PIEZO1: variants seen among roughly 807,000 people sequenced by gnomAD.
PIEZO1 encodes piezo-type mechanosensitive ion channel component 1.
In PIEZO1, 296 loss-of-function variants were observed where a neutral mutation model predicts 297.2. The ratio of observed to expected loss-of-function variants is 1.00; its 90% CI spans 0.91 to 1.10. PIEZO1 has a LOEUF of 1.10. Among genes scored for constraint, PIEZO1 ranks in the 50% least tolerant of loss-of-function variants. The probability of loss-of-function intolerance (pLI) is 0.00; values close to 1 mark genes in which losing one functional copy is unlikely to be tolerated. For synonymous variants in PIEZO1, 2,427 were observed against 1,507.5 expected (o/e 1.61, Z -14.13); for missense variants, 5,018 against 3,455.5 (o/e 1.45, Z -11.34).
intron 27 of PIEZO1, 81 bp from the exon 28 acceptor site, chr16:88,725,765 C>CG (rs1904380290): frequency 1.3e-6 from 1 of 762,072 alleles, no homozygotes; most frequent in Non-Finnish European, 2.3e-6. Context: ...CCGCTCAGCC[C>CG]GGGACAGCTC....
chr16:88,761,479 C>T (rs1360602023), intron 1 of PIEZO1, among the ~76,000 whole-genome samples: 2 of 152,200 alleles, frequency 1.3e-5, no homozygotes, highest in Non-Finnish European at 1.5e-5. Flanking sequence ...GCAGTCTGGT[C>T]CCAAAGCCGC....
In PIEZO1 at chr16:88,775,919, G is replaced by C. The variant is rs1907640925; in HGVS notation, c.64+8982C>G. Among the ~76,000 whole-genome samples the C allele has an allele frequency of 2.0e-5, 3 of 152,096 alleles. No homozygotes were observed. The South Asian group carries it at 6.2e-4, about 31-fold the overall frequency. On this transcript the variant is annotated intron_variant, in intron 1 of 50. Coordinates refer to ENST00000301015, the MANE Select transcript of PIEZO1 (RefSeq NM_001142864.4). ...AGAAGAAGGCAGTGCACACGCAGAGGCAAAGGCCCTCGTTAAGCACCCAGG... is the reference window on the plus strand; with the variant it reads ...AGAAGAAGGCAGTGCACACGCAGAGCCAAAGGCCCTCGTTAAGCACCCAGG...
At chr16:88,719,451 C>G (rs1467160151) in intron 44 of PIEZO1, 123 bp downstream of exon 44, 1 of 902,310 alleles carries the variant, frequency 1.1e-6, no homozygotes, top group Non-Finnish European at 1.7e-6. Flanking sequence ...CCTCATGTCC[C>G]CATGGGCTCC....
chr16:88,766,020 A>G (rs1345441561), intron 1 of PIEZO1, among the ~76,000 whole-genome samples: 1 of 152,176 alleles, frequency 6.6e-6, no homozygotes, highest in Admixed American at 6.5e-5. Context: ...AGGTGCGACC[A>G]GAGACATCAC....
chr16:88,768,597 G>A (rs527698449), intron 1 of PIEZO1, among the ~76,000 whole-genome samples: 4 of 152,356 alleles, frequency 2.6e-5, no homozygotes, highest in East Asian at 3.9e-4. Context: ...GGTTGTGGGC[G>A]GGGGCTCCCT....
chr16:88,771,329 A>G (rs1907415908), intron 1 of PIEZO1, among the ~76,000 whole-genome samples: 1 of 152,196 alleles, frequency 6.6e-6, no homozygotes, highest in Non-Finnish European at 1.5e-5. Flanking sequence ...AATGGTGCTC[A>G]GCAGCAGAGC....
intron 1 of PIEZO1, among the ~76,000 whole-genome samples, chr16:88,775,169 C>A (rs151089868): frequency 6.6e-6 from 1 of 152,214 alleles, no homozygotes; most frequent in African/African-American, 2.4e-5. Context: ...CCTGACAGGA[C>A]GCAGGCCCTG....
chr16:88,736,608 G>A lies in PIEZO1; in HGVS notation c.1296+31C>T, dbSNP rs1022937001. ...GCCCCACACCTGCGCGGCAGAGGGG[G>A]CCGCCCACCCCAACCCCCACAGCCG... On this transcript the variant is annotated intron_variant, in intron 11 of 50. Transcript: ENST00000301015. 4.0e-6 allele frequency: 6 copies of A among 1,510,906 alleles called. No individual in the cohort carries two copies. In the Admixed American group the frequency reaches 6.2e-5, roughly 16 times the overall value. The allele number at this position is 1,510,906 out of a possible 1,614,324, so 93.6% of individuals were successfully genotyped here.
chr16:88,783,875 C>T (rs1908047179), intron 1 of PIEZO1, among the ~76,000 whole-genome samples: 1 of 152,248 alleles, frequency 6.6e-6, no homozygotes, highest in South Asian at 2.1e-4. Context: ...GGGCGAGCTC[C>T]CACCTGGAGC....
chr16:88,724,970 G>A (rs780098361), intron 30 of PIEZO1, 39 bp downstream of exon 30: 5 of 1,300,214 alleles, frequency 3.8e-6, no homozygotes, highest in Middle Eastern at 4.9e-4. Flanking sequence ...GGCACAGAGG[G>A]CCTGAGAGGG....
chr16:88,782,541 G>A (rs1907982471), intron 1 of PIEZO1, among the ~76,000 whole-genome samples: 1 of 152,174 alleles, frequency 6.6e-6, no homozygotes, highest in Non-Finnish European at 1.5e-5. Context: ...TTTGGGTAAT[G>A]ATCCTGCACT....
Position 88,716,398 on chromosome 16 carries a change from G to T in PIEZO1, c.7012C>A (p.Leu2338Met). 6.5e-7 allele frequency: 1 copy of T among 1,548,460 alleles called. No homozygotes were observed. The highest frequency in any genetic ancestry group is 1.4e-5 in the African/African-American group (1 of 73,146). The change falls in exon 48 of 51, where the codon CTG becomes ATG. Residue 2338 changes from leucine (L) to methionine (M), a missense_variant. Transcript: ENST00000301015. ...LAPNSTARRQ[L>M]ASLLEGTSDQ... ...GAGGTGCCCTCGAGCAGGCTGGCCA[G>T]CTGCCGCCGTGCAGTGCTGTTGGGG...
chr16:88,742,149 G>C, intron 3 of PIEZO1, 54 bp from the exon 4 acceptor site: 1 of 1,530,386 alleles, frequency 6.5e-7, no homozygotes, highest in Non-Finnish European at 8.8e-7. Flanking sequence ...CAGCACCGTG[G>C]CCTGGTCATC....
rs560731397 is a variant in PIEZO1, at chr16:88,717,173, G to C, written c.6510C>G (p.Ile2170Met). The change falls in exon 45 of 51, where the codon ATC becomes ATG. Residue 2170 changes from isoleucine to methionine, a missense_variant. Physicochemically the swap from Ile to Met is conservative, Grantham distance 10 (BLOSUM62 1). Coordinates refer to ENST00000301015, the MANE Select transcript of PIEZO1 (RefSeq NM_001142864.4). The part of the protein sequence containing the change: ...PQPKGQKKKK[I>M]VKYGMGGLII... ...TGAGGCCACCCATGCCGTACTTGAC[G>C]ATCTTCTTCTTCTTCTGCCCTTTGG... is the stretch of plus-strand genomic sequence containing the variant. 4 of 1,550,622 alleles carry C rather than the reference G, an allele frequency of 2.6e-6. No individual in the cohort carries two copies. Among genetic ancestry groups the C allele is most frequent in the Non-Finnish European group, 3.5e-6 (4 of 1,147,066 alleles).
In PIEZO1 at chr16:88,716,744, G is replaced by T; in HGVS notation, c.6754-13C>A. The T allele has an allele frequency of 6.5e-7, 1 of 1,548,304 alleles. No homozygotes were observed. The highest frequency in any genetic ancestry group is 8.7e-7 in the Non-Finnish European group (1 of 1,146,838). ...ACTGCATGGCCAGCTGGGTACAAGT[G>T]ACACCCTCAGTGACTGCAGCCGCCT... On this transcript the variant is annotated splice_polypyrimidine_tract_variant and intron_variant, in intron 46 of 50. Transcript: ENST00000301015.
At position 88,719,526 on chromosome 16, in the gene PIEZO1, G is replaced by A. The variant is rs958122205; in HGVS notation, c.6471+48C>T. ...CAGCAGTGCCTCTGTCTTAGGGAGA[G>A]GGCATATCCCTGGCCCTTGTCCCGG... On this transcript the variant is annotated intron_variant, in intron 44 of 50. Coordinates refer to ENST00000301015, the MANE Select transcript of PIEZO1 (RefSeq NM_001142864.4). 22 of 1,508,732 alleles carry A rather than the reference G, an allele frequency of 1.5e-5. No homozygotes were observed. In the Admixed American group the frequency reaches 2.0e-4, roughly 14 times the overall value. 93.5% of individuals were successfully genotyped at this position (1,508,732 alleles called of 1,614,324 possible).
Position 88,736,728 on chromosome 16 carries a change from G to T in PIEZO1, c.1207C>A (p.Arg403=). 1.0e-5 allele frequency: 16 copies of T among 1,529,288 alleles called. No individual in the cohort carries two copies. The highest frequency in any genetic ancestry group is 1.4e-5 in the Non-Finnish European group (16 of 1,143,162). The allele number at this position is 1,529,288 out of a possible 1,614,324, so 94.7% of individuals were successfully genotyped here. Residue 403 remains arginine, a synonymous_variant, in exon 11 of 51, where the codon CGG becomes AGG. Coordinates refer to ENST00000301015, the MANE Select transcript of PIEZO1 (RefSeq NM_001142864.4). ...SVLRRPVRPK[R]AEPREASPLH... is the part of the protein sequence containing the mutation. Reference sequence around the variant, plus strand: ...GGAGACGCCTCCCTGGGCTCAGCCCGCTTGGGCCGCACTGCAGGTGGGGAC... The same window carrying T: ...GGAGACGCCTCCCTGGGCTCAGCCCTCTTGGGCCGCACTGCAGGTGGGGAC...
In PIEZO1 at chr16:88,726,308, T is replaced by C. The variant is rs1904425751; in HGVS notation, c.3944A>G (p.Gln1315Arg). 6.5e-7 allele frequency: 1 copy of C among 1,549,632 alleles called. No homozygotes were observed. The highest frequency in any genetic ancestry group is 8.7e-7 in the Non-Finnish European group (1 of 1,146,698). ...CCTGGAGGCTAGCAGGGCGGTGGCC[T>C]GGAGGTCGGCCCTGACGTGCAGGTA... ...HYYLHVRADLQATALLASRGF... is the reference protein window; with the variant it reads ...HYYLHVRADLRATALLASRGF... The change falls in exon 27 of 51, where the codon CAG becomes CGG. Residue 1315 changes from glutamine to arginine, a missense_variant. Coordinates refer to ENST00000301015, the MANE Select transcript of PIEZO1 (RefSeq NM_001142864.4).
chr16:88,773,246 G>C (rs1907507034), intron 1 of PIEZO1, among the ~76,000 whole-genome samples: 1 of 152,254 alleles, frequency 6.6e-6, no homozygotes, highest in African/African-American at 2.4e-5. Flanking sequence ...CAGGGGATCT[G>C]AGTAGAGGGG....
Sources: gnomAD v4.1 joint callset for allele counts (sites outside exome capture counted in the v4.1 genomes callset) on GRCh38, gnomAD v4.1.1 for gene constraint, MANE v1.5 for transcripts, NCBI Gene and HGNC (gene_info 2026-07-23, HGNC 2026-07-21) for gene names.